DNASE1: variants seen among roughly 807,000 people sequenced by gnomAD.
The protein encoded by DNASE1 is deoxyribonuclease-1.
Under a neutral mutation model 33.9 loss-of-function variants are expected in DNASE1, and 40 were observed. That is an observed-to-expected ratio of 1.18 (90% CI 0.92 to 1.54). DNASE1 has a LOEUF of 1.54. DNASE1 is among the 40% of genes most tolerant of loss of function. The pLI is 0.00. For missense variants in DNASE1, 518 were observed against 372.6 expected (o/e 1.39, Z -3.21); for synonymous variants, 216 against 160.0 (o/e 1.35, Z -2.64).
upstream of DNASE1, chr16:3,652,758 T>C (rs1295431926): frequency 6.6e-6 from 1 of 152,408 alleles, no homozygotes; most frequent in East Asian, 1.9e-4. Context: ...TTCTGCTTCA[T>C]GGCCAGCTGG....
intron 1 of DNASE1, 96 bp from the exon 2 acceptor site, chr16:3,655,277 C>T: frequency 6.4e-7 from 1 of 1,562,114 alleles, no homozygotes; most frequent in Non-Finnish European, 8.7e-7. Context: ...CCTTGAGCTC[C>T]ACCAGCCCCT....
chr16:3,619,740 G>A (rs1359997563), intron 1 of DNASE1, among the ~76,000 whole-genome samples: 1 of 151,282 alleles, frequency 6.6e-6, no homozygotes, highest in Non-Finnish European at 1.5e-5. Flanking sequence ...CAAATTCCTG[G>A]GCTCAAGTGG....
exon 10 of DNASE1, chr16:3,663,678 C>G: frequency 7.3e-7 from 1 of 1,374,402 alleles, no homozygotes; most frequent in Admixed American, 2.2e-5. Flanking sequence ...TGGGGAACAC[C>G]GGGGCAGTTG....
chr16:3,664,273 CCT>C, exon 10 of DNASE1: 1 of 1,587,698 alleles, frequency 6.3e-7, no homozygotes, highest in Non-Finnish European at 8.6e-7. Context: ...CGCTCACCCA[CCT>C]CTGTGTCTTT....
At chr16:3,634,935 C>G (rs750794499) in intron 1 of DNASE1, among the ~76,000 whole-genome samples, 1 of 152,134 alleles carries the variant, frequency 6.6e-6, no homozygotes, top group African/African-American at 2.4e-5. Context: ...TGCTTCATTT[C>G]TGACCTGGGC....
intron 1 of DNASE1, among the ~76,000 whole-genome samples, chr16:3,625,868 G>A (rs1180918907): frequency 1.3e-5 from 2 of 151,992 alleles, no homozygotes; most frequent in African/African-American, 4.8e-5. Context: ...AGGAGGCCGA[G>A]GCAGAAGGAT....
At chr16:3,636,047 T>A (rs2151184590) in intron 1 of DNASE1, among the ~76,000 whole-genome samples, 1 of 152,366 alleles carries the variant, frequency 6.6e-6, no homozygotes, top group African/African-American at 2.4e-5. Context: ...CCTGTCATCA[T>A]CTTCTGGATT....
At chr16:3,618,015 T>G (rs1188316760) in intron 1 of DNASE1, among the ~76,000 whole-genome samples, 1 of 151,534 alleles carries the variant, frequency 6.6e-6, no homozygotes, top group Non-Finnish European at 1.5e-5. Context: ...AGAAAGAACT[T>G]TTACAACTCA....
At chr16:3,617,326 C>CAAAAAAAAAAAAAAAAAAAAAA (rs56670885) in intron 1 of DNASE1, among the ~76,000 whole-genome samples, 25 of 57,704 alleles carry the variant, frequency 4.3e-4, no homozygotes, top group African/African-American at 1.8e-3. Flanking sequence ...AACTCCATCT[C>CAAAAAAAAAAAAAAAAAAAAAA]AAAAAAAAAA....
chr16:3,653,837 A>AAAAAC (rs1567205919), upstream of DNASE1: 1 of 141,898 alleles, frequency 7.0e-6, no homozygotes, highest in African/African-American at 2.6e-5. Flanking sequence ...AAAAAAAAAA[A>AAAAAC]AAAACTGAGC....
At chr16:3,616,738 A>G (rs2041117207) in intron 1 of DNASE1, among the ~76,000 whole-genome samples, 1 of 152,204 alleles carries the variant, frequency 6.6e-6, no homozygotes, top group Admixed American at 6.5e-5. Context: ...CCTTATATCA[A>G]AACTTATTAC....
chr16:3,638,362 G>T (rs192076177), upstream of DNASE1, among the ~76,000 whole-genome samples: 757 of 152,030 alleles, frequency 5.0e-3, 7 homozygotes, highest in African/African-American at 0.017. Flanking sequence ...TTTTGAGGCG[G>T]AGTCTCGCTC....
downstream of DNASE1, chr16:3,658,533 T>C (rs1013441688): frequency 1.8e-6 from 1 of 566,964 alleles, no homozygotes; most frequent in Admixed American, 3.1e-5. Context: ...AATACAAAAT[T>C]AGCCAGGCGC....
chr16:3,648,595 T>C lies in DNASE1; in HGVS notation c.-86+5559T>C, dbSNP rs528551317. Among the ~76,000 whole-genome samples, 9 of 152,026 alleles carry C rather than the reference T, an allele frequency of 5.9e-5. No individual in the cohort carries two copies. The East Asian group carries it at 1.7e-3, about 29-fold the overall frequency. On this transcript the variant is annotated intron_variant, in intron 1 of 9. Coordinates refer to the DNASE1 transcript ENST00000407479. ...AAGATCGCGCCACTGCACTCCAGCCTAGAAAGAAAAGCCACTGCACTCCAG... is the reference window on the plus strand; with the variant it reads ...AAGATCGCGCCACTGCACTCCAGCCCAGAAAGAAAAGCCACTGCACTCCAG...
exon 10 of DNASE1, chr16:3,664,247 A>G (rs2050770528): frequency 6.5e-7 from 1 of 1,531,854 alleles, no homozygotes; most frequent in Non-Finnish European, 8.8e-7. Flanking sequence ...CAGCCCCCGG[A>G]GCCCGCCCCA....
downstream of DNASE1, chr16:3,659,143 G>T: frequency 2.9e-6 from 1 of 343,588 alleles, no homozygotes; most frequent in Non-Finnish European, 5.3e-6. Flanking sequence ...GTGAAGACAT[G>T]CCTTGGTTCC....
chr16:3,616,571 A>G (rs1401622563), intron 1 of DNASE1, among the ~76,000 whole-genome samples: 6 of 152,230 alleles, frequency 3.9e-5, no homozygotes, highest in Admixed American at 1.3e-4. Context: ...CAGTGATCCA[A>G]GATCACAACA....
Position 3,656,644 on chromosome 16 carries a change from C to G in DNASE1, c.327C>G (p.Asp109Glu), listed in dbSNP as rs1189594149. ...KERYLFVYRP[D>E]QVSAVDSYYY... Reference sequence around the variant, plus strand: ...CTGCCCGGCCTTCCCGCAGGCCTGACCAGGTGTCTGCGGTGGACAGCTACT... The same window carrying G: ...CTGCCCGGCCTTCCCGCAGGCCTGAGCAGGTGTCTGCGGTGGACAGCTACT... The change falls in exon 5 of 9, where the codon GAC becomes GAG. Residue 109 changes from aspartate (D) to glutamate (E), a missense_variant. By Grantham distance (45) the Asp-to-Glu change is conservative. Transcript: ENST00000246949. 2.5e-6 allele frequency: 4 copies of G among 1,611,094 alleles called. No homozygotes were observed. The highest frequency in any genetic ancestry group is 2.5e-6 in the Non-Finnish European group (3 of 1,178,636).
At chr16:3,654,392 G>A, upstream of DNASE1, 1 of 398,734 alleles carries the variant, frequency 2.5e-6, no homozygotes, top group Non-Finnish European at 4.4e-6. Context: ...GCACCTGATG[G>A]CGATGAATCA....
Sources: gnomAD v4.1 joint callset for allele counts (sites outside exome capture counted in the v4.1 genomes callset) on GRCh38, gnomAD v4.1.1 for gene constraint, MANE v1.5 for transcripts, NCBI Gene and HGNC (gene_info 2026-07-23, HGNC 2026-07-21) for gene names.